Variants in EXOC4 observed in about 807,000 individuals in gnomAD.
EXOC4 encodes SEC8-like 1.
A neutral mutation model predicts 107.2 loss-of-function variants in EXOC4; 71 were observed. That is an observed-to-expected ratio of 0.66 (90% CI 0.55 to 0.81). The LOEUF is 0.81. Ranked by LOEUF, EXOC4 falls within the 30% of genes least tolerant of loss-of-function variation. The probability of loss-of-function intolerance (pLI) is 0.00; values close to 1 mark genes in which losing one functional copy is unlikely to be tolerated. For missense variants in EXOC4, 1,108 were observed against 1,189.6 expected, an observed-to-expected ratio of 0.93 and a Z score of 1.01; for synonymous variants, 456 against 441.2, an observed-to-expected ratio of 1.03 and a Z score of -0.42.
intron 2 of EXOC4, among the ~76,000 whole-genome samples, chr7:133,288,587 T>G (rs1309778198): frequency 6.6e-6 from 1 of 152,202 alleles, no homozygotes; most frequent in Non-Finnish European, 1.5e-5. Flanking sequence ...ACTCTCACAT[T>G]GATCATTCTC....
intron 13 of EXOC4, among the ~76,000 whole-genome samples, chr7:133,925,661 G>A (rs1426136882): frequency 6.6e-6 from 1 of 152,170 alleles, no homozygotes; most frequent in Non-Finnish European, 1.5e-5. Flanking sequence ...AAATTCTTAA[G>A]TGGATAGGTG....
chr7:133,270,211 C>T (rs1407348158), intron 1 of EXOC4, among the ~76,000 whole-genome samples: 1 of 152,132 alleles, frequency 6.6e-6, no homozygotes, highest in Non-Finnish European at 1.5e-5. Context: ...GAGGCCTCCC[C>T]AGCCATGTGG....
chr7:133,700,860 TTAGTTTAGTAGTGTCTGTTGTAAG>T (rs1220860889), intron 10 of EXOC4, among the ~76,000 whole-genome samples: 1 of 152,134 alleles, frequency 6.6e-6, no homozygotes, highest in Non-Finnish European at 1.5e-5. Context: ...CAGTATTAAC[TTAGTTTAGTAGTGTCTGTTGTAAG>T]ATAATTTAAC....
chr7:133,596,631 G>T (rs150472780), intron 9 of EXOC4, among the ~76,000 whole-genome samples: 1 of 152,154 alleles, frequency 6.6e-6, no homozygotes, highest in African/African-American at 2.4e-5. Flanking sequence ...TACATCATAG[G>T]TGGTGGGTTC....
At chr7:133,714,118 G>C (rs1194773278) in intron 10 of EXOC4, among the ~76,000 whole-genome samples, 1 of 152,096 alleles carries the variant, frequency 6.6e-6, no homozygotes, top group Non-Finnish European at 1.5e-5. Flanking sequence ...AAGCTTTCTA[G>C]AGTTGGGAGA....
At chr7:133,474,152 C>A (rs1055180112) in intron 7 of EXOC4, among the ~76,000 whole-genome samples, 1 of 152,094 alleles carries the variant, frequency 6.6e-6, no homozygotes, top group Non-Finnish European at 1.5e-5. Context: ...ACTCTTCCTT[C>A]TTATTATCTT....
chr7:133,737,283 A>G (rs1795463631), intron 10 of EXOC4, among the ~76,000 whole-genome samples: 1 of 152,194 alleles, frequency 6.6e-6, no homozygotes. Flanking sequence ...ATGAAATTCT[A>G]GGCACTTGGT....
At chr7:133,964,899 C>A (rs762766467) in intron 14 of EXOC4, among the ~76,000 whole-genome samples, 40 of 152,246 alleles carry the variant, frequency 2.6e-4, no homozygotes, top group African/African-American at 9.6e-4. Context: ...TGTGAGGAAT[C>A]GCCACACTGT....
At chr7:133,569,705 A>G (rs1300908881) in intron 9 of EXOC4, among the ~76,000 whole-genome samples, 1 of 152,220 alleles carries the variant, frequency 6.6e-6, no homozygotes, top group Non-Finnish European at 1.5e-5. Context: ...CAGAGAACCA[A>G]AAGAAGTATA....
At chr7:134,027,440 G>A (rs185444887) in intron 17 of EXOC4, among the ~76,000 whole-genome samples, 10 of 152,030 alleles carry the variant, frequency 6.6e-5, no homozygotes, top group African/African-American at 1.9e-4. Context: ...CGGGCAGATC[G>A]CAAGGTCAGG....
intron 17 of EXOC4, among the ~76,000 whole-genome samples, chr7:134,056,241 A>G (rs2116606198): frequency 6.6e-6 from 1 of 152,314 alleles, no homozygotes; most frequent in African/African-American, 2.4e-5. Context: ...ATTTTCTTAA[A>G]TTGAAAAGAC....
intron 12 of EXOC4, among the ~76,000 whole-genome samples, chr7:133,916,231 A>C (rs997532344): frequency 6.6e-5 from 10 of 152,240 alleles, no homozygotes; most frequent in African/African-American, 2.4e-4. Flanking sequence ...TGAGACTCTA[A>C]TGCTACCGCT....
At chr7:133,733,704 C>CT (rs924889347) in intron 10 of EXOC4, 18 of 152,264 alleles carry the variant, frequency 1.2e-4, no homozygotes, top group Admixed American at 7.2e-4. Flanking sequence ...ATTGCCTTTC[C>CT]TTGCCAATTC....
intron 14 of EXOC4, among the ~76,000 whole-genome samples, chr7:133,940,302 G>C (rs1349930762): frequency 6.6e-6 from 1 of 152,194 alleles, no homozygotes; most frequent in Non-Finnish European, 1.5e-5. Flanking sequence ...GCACGATTTA[G>C]CTGTTGTGTT....
chr7:133,764,135 A>C (rs1385022624), intron 10 of EXOC4, among the ~76,000 whole-genome samples: 2 of 152,000 alleles, frequency 1.3e-5, no homozygotes, highest in South Asian at 2.1e-4. Flanking sequence ...CACACAGCTG[A>C]TTCAGTTTCA....
At chr7:133,667,672 C>T (rs1793850986) in intron 10 of EXOC4, among the ~76,000 whole-genome samples, 2 of 152,128 alleles carry the variant, frequency 1.3e-5, no homozygotes, top group South Asian at 4.1e-4. Context: ...TTTGTTGTTG[C>T]ACATTTCACA....
At chr7:133,917,791 T>G in intron 13 of EXOC4, 53 bp downstream of exon 13, 6 of 1,503,212 alleles carry the variant, frequency 4.0e-6, no homozygotes, top group Non-Finnish European at 5.4e-6. Context: ...AGCACATCTG[T>G]TTAGCTAATA....
chr7:134,066,231 C>T (rs566185350), downstream of EXOC4: 1 of 152,312 alleles, frequency 6.6e-6, no homozygotes, highest in African/African-American at 2.4e-5. Flanking sequence ...TGATTCTGTA[C>T]CTTTCCTTTT....
At chr7:133,634,268 T>C (rs1056455426) in intron 10 of EXOC4, among the ~76,000 whole-genome samples, 8 of 152,180 alleles carry the variant, frequency 5.3e-5, no homozygotes, top group Admixed American at 1.3e-4. Context: ...ACTTCTAATT[T>C]GTTCATTCCC....
Sources: gnomAD v4.1 joint callset for allele counts (sites outside exome capture counted in the v4.1 genomes callset) on GRCh38, gnomAD v4.1.1 for gene constraint, MANE v1.5 for transcripts, NCBI Gene and HGNC (gene_info 2026-07-23, HGNC 2026-07-21) for gene names.